The following MTOR variants were observed in gnomAD, a reference collection of about 807,000 sequenced individuals.
MTOR encodes the protein mechanistic target of rapamycin kinase.
A neutral mutation model predicts 319.8 loss-of-function variants in MTOR; 70 were observed. The ratio of observed to expected loss-of-function variants is 0.22; its 90% CI spans 0.18 to 0.27. The LOEUF is 0.27. Ranked by LOEUF, MTOR falls within the 10% of genes least tolerant of loss-of-function variation. The pLI, the probability that MTOR is intolerant of heterozygous loss-of-function variation, is 1.00. For missense variants in MTOR, 1,890 were observed against 3,274.4 expected, an observed-to-expected ratio of 0.58 and a Z score of 10.32; for synonymous variants, 1,183 against 1,211.4, an observed-to-expected ratio of 0.98 and a Z score of 0.49.
At chr1:11,142,708 G>C (rs1206484092) in intron 34 of MTOR, among the ~76,000 whole-genome samples, 1 of 152,132 alleles carries the variant, frequency 6.6e-6, no homozygotes, top group Non-Finnish European at 1.5e-5. Flanking sequence ...GTCCTCCATG[G>C]AGATAAACTT....
At chr1:11,132,071 G>A (rs1340540635) in intron 38 of MTOR, 4 of 152,144 alleles carry the variant, frequency 2.6e-5, no homozygotes, top group East Asian at 1.9e-4. Context: ...GGGCCATGAC[G>A]TTGATGGTAG....
At chr1:11,134,058 C>A (rs576746126) in intron 37 of MTOR, among the ~76,000 whole-genome samples, 120 of 144,238 alleles carry the variant, frequency 8.3e-4, no homozygotes, top group Admixed American at 1.7e-3. Context: ...GCAAGACCAT[C>A]TTAAAAAAAA....
At chr1:11,195,712 C>T (rs1197723410) in intron 28 of MTOR, 1 of 152,614 alleles carries the variant, frequency 6.6e-6, no homozygotes. Context: ...TGGACAGAGT[C>T]TCTCATGGAT....
At chr1:11,156,904 G>A (rs989547010) in intron 30 of MTOR, among the ~76,000 whole-genome samples, 2 of 152,148 alleles carry the variant, frequency 1.3e-5, no homozygotes, top group Admixed American at 6.6e-5. Context: ...TAGATCCCAG[G>A]AGCACCCCCA....
chr1:11,213,955 G>A (rs1407033215), intron 20 of MTOR, among the ~76,000 whole-genome samples: 2 of 152,184 alleles, frequency 1.3e-5, no homozygotes, highest in Non-Finnish European at 2.9e-5. Flanking sequence ...CTTTGATAGC[G>A]ATAGCAGTTG....
chr1:11,241,562 A>C lies in MTOR; in HGVS notation c.1532T>G (p.Val511Gly). The C allele has an allele frequency of 6.2e-7, 1 of 1,612,714 alleles. No individual in the cohort carries two copies. Among genetic ancestry groups the C allele is most frequent in the East Asian group, 2.2e-5 (1 of 44,862 alleles). The change falls in exon 10 of 58, where the codon GTG becomes GGG. Residue 511 changes from valine (V) to glycine (G), a missense_variant. By Grantham distance (109) the Val-to-Gly change is moderately radical. Around this residue, in one of 15 missense-constraint regions of MTOR, gnomAD observed 418 missense variants for 543.1 expected, o/e 0.77. Transcript: ENST00000361445. Reference protein sequence around the residue: ...IKELLEPMLAVGLSPALTAVL... With the variant: ...IKELLEPMLAGGLSPALTAVL... ...GGTTTCTGACACCCACCTTAGTCCC[A>C]CTGCCAGCATGGGCTCCAGCAGCTC...
chr1:11,222,675 A>G (rs937070896), intron 19 of MTOR, among the ~76,000 whole-genome samples: 1 of 152,150 alleles, frequency 6.6e-6, no homozygotes, highest in African/African-American at 2.4e-5. Context: ...TAAATCCAGA[A>G]GGAATAATCA....
At chr1:11,250,357 C>T (rs952951887) in intron 6 of MTOR, among the ~76,000 whole-genome samples, 5 of 152,170 alleles carry the variant, frequency 3.3e-5, no homozygotes, top group Admixed American at 1.3e-4. Flanking sequence ...CGGGCAGAGG[C>T]GCCCCTCAAC....
intron 30 of MTOR, among the ~76,000 whole-genome samples, chr1:11,156,013 T>TA (rs1178423086): frequency 6.6e-6 from 1 of 152,244 alleles, no homozygotes; most frequent in African/African-American, 2.4e-5. Context: ...TTTTTTGAGA[T>TA]AGAGTCTCGC....
intron 29 of MTOR, among the ~76,000 whole-genome samples, chr1:11,164,035 T>G (rs1463980396): frequency 6.6e-6 from 1 of 152,064 alleles, no homozygotes; most frequent in Non-Finnish European, 1.5e-5. Flanking sequence ...GATAGACCAC[T>G]AGCAAGACTA....
intron 5 of MTOR, among the ~76,000 whole-genome samples, chr1:11,255,337 C>T (rs191926336): frequency 9.4e-4 from 124 of 131,564 alleles, no homozygotes; most frequent in Admixed American, 2.0e-3. Context: ...GAGACAAAAT[C>T]ACACCACTAA....
rs56410663 is a variant in MTOR at position 11,212,560 on chromosome 1, C to T, written c.3399-86G>A. ...CTGAGGGTGAGCTTAACAATCAGCA[C>T]CAAAGGGATGGGAATGAACGGCTTC... On this transcript the variant is annotated intron_variant, in intron 22 of 57. Coordinates refer to ENST00000361445, the MANE Select transcript of MTOR (RefSeq NM_004958.4). This position sits in a 1 kb window ranked among gnomAD's most constrained non-coding sequence, Gnocchi z 4.1. 29,409 of 1,485,126 alleles carry T rather than the reference C, an allele frequency of 0.02. 375 individuals are homozygous for T. Among genetic ancestry groups the T allele is most frequent in the Non-Finnish European group, 0.024 (25,962 of 1,094,876 alleles). The allele number at this position is 1,485,126 out of a possible 1,614,324, so 92.0% of individuals were successfully genotyped here. A position where few individuals can be genotyped will look rare whatever the true frequency, so the allele number is the denominator to read the frequency against.
intron 9 of MTOR, 46 bp from the exon 10 acceptor site, chr1:11,241,727 T>G: frequency 6.3e-7 from 1 of 1,580,384 alleles, no homozygotes; most frequent in South Asian, 1.1e-5. Context: ...ATGACATTCT[T>G]TAATGTCCCA....
chr1:11,253,872 G>A lies in MTOR; in HGVS notation c.807C>T (p.Asn269=), dbSNP rs528524512. The change falls in exon 6 of 58, where the codon AAC becomes AAT. Residue 269 remains asparagine (N), a synonymous_variant. Coordinates refer to ENST00000361445, the MANE Select transcript of MTOR (RefSeq NM_004958.4). ...CCATGCTGCTGATTCGGACCAGCTC[G>A]TTAAGGATCAACAAGGCTCCATGGA... The part of the protein sequence containing the change: ...DRIHGALLIL[N]ELVRISSMEG... 3.6e-5 allele frequency: 58 copies of A among 1,614,094 alleles called. No homozygotes were observed. The highest frequency in any genetic ancestry group is 3.0e-4 in the Admixed American group (18 of 60,012).
chr1:11,122,633 G>A (rs566028416), intron 47 of MTOR, among the ~76,000 whole-genome samples: 1 of 151,278 alleles, frequency 6.6e-6, no homozygotes, highest in East Asian at 2.0e-4. Context: ...TCAGCCTCCC[G>A]AGTAGCTGGG....
At chr1:11,213,358 A>T (rs752218187) in intron 21 of MTOR, 41 bp downstream of exon 21, 33 of 1,588,016 alleles carry the variant, frequency 2.1e-5, no homozygotes, top group African/African-American at 2.7e-5. Context: ...GACTCAGAGG[A>T]AATCAGAAAA....
intron 30 of MTOR, among the ~76,000 whole-genome samples, chr1:11,154,434 T>TA (rs1644253985): frequency 6.6e-6 from 1 of 150,938 alleles, no homozygotes; most frequent in African/African-American, 2.4e-5. Flanking sequence ...TTCCTATAAA[T>TA]AAAAAAATAA....
intron 13 of MTOR, 99 bp from the exon 14 acceptor site, chr1:11,234,364 C>T (rs750955869): frequency 1.1e-5 from 15 of 1,389,976 alleles, no homozygotes; most frequent in Non-Finnish European, 1.5e-5. Flanking sequence ...GGGGAAAAAC[C>T]CAGACCTCCA....
At chr1:11,196,207 C>A (rs1007602033) in intron 28 of MTOR, among the ~76,000 whole-genome samples, 18 of 152,160 alleles carry the variant, frequency 1.2e-4, no homozygotes, top group African/African-American at 4.3e-4. Flanking sequence ...TGAAGGCATC[C>A]AGCCTTATCA....
Sources: allele counts gnomAD v4.1 joint callset (sites outside exome capture counted in the v4.1 genomes callset), GRCh38; gene constraint gnomAD v4.1.1; regional missense constraint gnomAD v4.1.1; non-coding constraint Gnocchi (gnomAD v3.1); transcripts MANE v1.5; gene names NCBI Gene and HGNC (gene_info 2026-07-23, HGNC 2026-07-21).